ANKIB1: variants seen among roughly 807,000 people sequenced by gnomAD.
ANKIB1 encodes the protein ankyrin repeat and IBR domain-containing protein 1.
A neutral mutation model predicts 122.1 loss-of-function variants in ANKIB1; 43 were observed. The observed-to-expected ratio is 0.35, with a 90% CI of 0.28 to 0.45. ANKIB1 has a LOEUF of 0.45. Ranked by LOEUF, ANKIB1 falls within the 20% of genes least tolerant of loss-of-function variation. The pLI is 1.00. For missense variants in ANKIB1, 992 were observed against 1,329.5 expected (o/e 0.75, Z 3.95); for synonymous variants, 390 against 442.0 (o/e 0.88, Z 1.48).
chr7:92,251,004 G>C lies in ANKIB1; in HGVS notation c.-91+4485G>C, dbSNP rs369899060. 3.2e-4 allele frequency among the ~76,000 whole-genome samples: 48 copies of C among 152,284 alleles called. 1 individual carries two copies. The highest frequency in any genetic ancestry group is 9.9e-4 in the African/African-American group (41 of 41,564). On this transcript the variant is annotated intron_variant, in intron 1 of 19. Transcript: ENST00000265742. ...AGAGCAGATATTTAATACTTGAGTT[G>C]CTAAGAAAGTTAATCCTTGATATTT...
chr7:92,357,688 T>C (rs1027203600), intron 9 of ANKIB1, among the ~76,000 whole-genome samples: 28 of 140,058 alleles, frequency 2.0e-4, no homozygotes, highest in Non-Finnish European at 3.8e-4. Context: ...TGAGCCAAGA[T>C]CACGCCACTG....
chr7:92,364,678 G>C (rs1432707964), intron 10 of ANKIB1, among the ~76,000 whole-genome samples: 3 of 152,202 alleles, frequency 2.0e-5, no homozygotes. Flanking sequence ...GGTGTTGCCA[G>C]ATTGTGAGTG....
chr7:92,249,209 C>G (rs1024528010), intron 1 of ANKIB1, among the ~76,000 whole-genome samples: 3 of 152,134 alleles, frequency 2.0e-5, no homozygotes, highest in African/African-American at 7.2e-5. Context: ...TTCATGTCCA[C>G]TTCATTTCAG....
At chr7:92,314,993 A>G (rs1420932235) in intron 3 of ANKIB1, among the ~76,000 whole-genome samples, 1 of 152,130 alleles carries the variant, frequency 6.6e-6, no homozygotes, top group African/African-American at 2.4e-5. Context: ...GTCAGTTGAT[A>G]ATAAGAAAGC....
chr7:92,250,407 C>A (rs894151094), intron 1 of ANKIB1, among the ~76,000 whole-genome samples: 2 of 152,018 alleles, frequency 1.3e-5, no homozygotes, highest in South Asian at 4.1e-4. Flanking sequence ...ATAAATAAAT[C>A]AATAAAGCAG....
chr7:92,268,905 G>A (rs1374266350), intron 1 of ANKIB1, among the ~76,000 whole-genome samples: 1 of 152,134 alleles, frequency 6.6e-6, no homozygotes, highest in Non-Finnish European at 1.5e-5. Flanking sequence ...GGGATCTAAG[G>A]GAGAAATACC....
At chr7:92,276,678 C>G (rs1397958964) in intron 1 of ANKIB1, among the ~76,000 whole-genome samples, 2 of 152,210 alleles carry the variant, frequency 1.3e-5, no homozygotes, top group Admixed American at 1.3e-4. Context: ...TGGCTTCCGC[C>G]TTCAGTTTCT....
At chr7:92,371,955 GT>G (rs1804269308) in intron 11 of ANKIB1, among the ~76,000 whole-genome samples, 1 of 11,168 alleles carries the variant, frequency 9.0e-5, no homozygotes, top group Admixed American at 8.8e-4. Flanking sequence ...AGAGGGGTGT[GT>G]GTGTGTGTGT....
intron 11 of ANKIB1, among the ~76,000 whole-genome samples, chr7:92,382,676 G>A (rs955152251): frequency 5.9e-5 from 9 of 152,188 alleles, no homozygotes; most frequent in Non-Finnish European, 1.3e-4. Flanking sequence ...AAATAAAGAT[G>A]TTCTTTGAAA....
intron 1 of ANKIB1, among the ~76,000 whole-genome samples, chr7:92,269,263 G>C (rs1345899062): frequency 6.6e-6 from 1 of 152,164 alleles, no homozygotes; most frequent in Non-Finnish European, 1.5e-5. Context: ...GTTTTCTTAG[G>C]TGAGGGCTAT....
At chr7:92,361,568 A>T (rs1488505885) in intron 9 of ANKIB1, among the ~76,000 whole-genome samples, 1 of 152,180 alleles carries the variant, frequency 6.6e-6, no homozygotes, top group East Asian at 1.9e-4. Context: ...TGAGGATAAA[A>T]CGTAATTGAT....
Position 92,257,520 on chromosome 7 carries a change from C to T in ANKIB1, c.-91+11001C>T, listed in dbSNP as rs180987912. Among the ~76,000 whole-genome samples the T allele has an allele frequency of 7.3e-4, 111 of 152,340 alleles. 1 individual carries two copies. The highest frequency in any genetic ancestry group is 2.5e-3 in the African/African-American group (103 of 41,574). On this transcript the variant is annotated intron_variant, in intron 1 of 19. Coordinates refer to ENST00000265742, the MANE Select transcript of ANKIB1 (RefSeq NM_019004.2). ...AAATAAAGATTACTGTAGCCAGACG[C>T]GGTGGCTCACGCCTGTAATCCCAAC... is the stretch of plus-strand genomic sequence containing the variant.
At chr7:92,258,839 G>A (rs1801503200) in intron 1 of ANKIB1, among the ~76,000 whole-genome samples, 1 of 142,120 alleles carries the variant, frequency 7.0e-6, no homozygotes, top group Admixed American at 6.7e-5. Flanking sequence ...TTAAATAAAA[G>A]AGATCATAAA....
chr7:92,380,418 C>T (rs10232840), intron 11 of ANKIB1, among the ~76,000 whole-genome samples: 3,765 of 152,260 alleles, frequency 0.025, 168 homozygotes, highest in African/African-American at 0.086. Flanking sequence ...TGAGAACGGA[C>T]AGACCACCTC....
intron 3 of ANKIB1, among the ~76,000 whole-genome samples, chr7:92,310,984 A>G (rs534643708): frequency 6.6e-6 from 1 of 152,300 alleles, no homozygotes; most frequent in Admixed American, 6.5e-5. Context: ...AGGTGGTATC[A>G]TACTACTTTG....
intron 9 of ANKIB1, among the ~76,000 whole-genome samples, chr7:92,354,023 T>A (rs1803726172): frequency 6.6e-6 from 1 of 152,244 alleles, no homozygotes; most frequent in Non-Finnish European, 1.5e-5. Flanking sequence ...GAAGAAACTT[T>A]GATTGGCATT....
chr7:92,393,762 G>A (rs1372478711), intron 17 of ANKIB1, among the ~76,000 whole-genome samples: 1 of 152,028 alleles, frequency 6.6e-6, no homozygotes, highest in Non-Finnish European at 1.5e-5. Context: ...TTGACACATT[G>A]AAACACTAGG....
At chr7:92,302,510 G>A (rs901827929) in intron 2 of ANKIB1, among the ~76,000 whole-genome samples, 1 of 152,042 alleles carries the variant, frequency 6.6e-6, no homozygotes, top group Non-Finnish European at 1.5e-5. Context: ...CTCTTTTGTG[G>A]GAAACTAAAT....
At chr7:92,300,645 A>C (rs1802440503) in intron 2 of ANKIB1, among the ~76,000 whole-genome samples, 2 of 152,086 alleles carry the variant, frequency 1.3e-5, no homozygotes, top group South Asian at 4.1e-4. Flanking sequence ...TACATTGTGA[A>C]CTGATTATGA....
Sources: allele counts gnomAD v4.1 joint callset (sites outside exome capture counted in the v4.1 genomes callset), GRCh38; gene constraint gnomAD v4.1.1; transcripts MANE v1.5; gene names NCBI Gene and HGNC (gene_info 2026-07-23, HGNC 2026-07-21).